Variants in PIEZO2 observed in about 807,000 individuals in gnomAD.
The protein encoded by PIEZO2 is piezo type mechanosensitive ion channel component 2.
A neutral mutation model predicts 337.3 loss-of-function variants in PIEZO2; 172 were observed. The ratio of observed to expected loss-of-function variants is 0.51; its 90% CI spans 0.45 to 0.58. The LOEUF is 0.58. PIEZO2 is among the 20% of genes least tolerant of loss of function. PIEZO2 has a pLI of 0.00. For synonymous variants in PIEZO2, 1,251 were observed against 1,228.5 expected, an observed-to-expected ratio of 1.02 and a Z score of -0.38; for missense variants, 3,028 against 3,391.3, an observed-to-expected ratio of 0.89 and a Z score of 2.66.
rs997354228 is a variant in PIEZO2 at position 10,982,567 on chromosome 18, A to C, written c.161-2907T>G. Among the ~76,000 whole-genome samples, 22 of 152,340 alleles carry C rather than the reference A, an allele frequency of 1.4e-4. 1 individual carries two copies. The highest frequency in any genetic ancestry group is 1.0e-3 in the South Asian group (5 of 4,830). On this transcript the variant is annotated intron_variant, in intron 2 of 55. Coordinates refer to ENST00000674853, the MANE Select transcript of PIEZO2 (RefSeq NM_001378183.1). The surrounding 1 kb of genome is among the most constrained non-coding windows in gnomAD (Gnocchi z 4.1). ...ATATTTCAAAATATGTAAGAAAAGA[A>C]TGCTTTGAAGAATTTCAACAAACAT...
chr18:10,881,314 A>G (rs2042414390), intron 4 of PIEZO2, among the ~76,000 whole-genome samples: 1 of 152,190 alleles, frequency 6.6e-6, no homozygotes, highest in South Asian at 2.1e-4. Context: ...TGAATCTACT[A>G]ACCTCACTGT....
intron 4 of PIEZO2, among the ~76,000 whole-genome samples, chr18:10,882,842 C>CTTTTTTTTTTTTTTTTTT (rs35740624): frequency 7.8e-6 from 1 of 128,200 alleles, no homozygotes; most frequent in Non-Finnish European, 1.6e-5. Flanking sequence ...TTCTTTTTTT[C>CTTTTTTTTTTTTTTTTTT]TTTTTTTTTT....
In PIEZO2 at chr18:10,794,712, T is replaced by C; in HGVS notation, c.1758+60A>G. ...TTTATAAGGTTTCTCTTGGATACGA[T>C]TATGATGATGATTGTGGTTTTGTGT... On this transcript the variant is annotated intron_variant, in intron 13 of 55. Transcript: ENST00000674853. This position sits in a 1 kb window ranked among gnomAD's most constrained non-coding sequence, Gnocchi z 6.6. The C allele has an allele frequency of 1.6e-6, 2 of 1,246,824 alleles. No individual in the cohort carries two copies. The highest frequency in any genetic ancestry group is 2.2e-6 in the Non-Finnish European group (2 of 915,070). The allele number at this position is 1,246,824 out of a possible 1,614,324, so 77.2% of individuals were successfully genotyped here.
intron 2 of PIEZO2, among the ~76,000 whole-genome samples, chr18:11,059,734 C>G (rs1313025593): frequency 6.6e-6 from 1 of 152,180 alleles, no homozygotes; most frequent in East Asian, 1.9e-4. Flanking sequence ...GCACCCAATA[C>G]AGGAGCACCC....
chr18:10,741,568 T>C (rs894173569), intron 32 of PIEZO2, among the ~76,000 whole-genome samples: 1 of 152,218 alleles, frequency 6.6e-6, no homozygotes, highest in African/African-American at 2.4e-5. Flanking sequence ...ATAGATACTA[T>C]GCACTGGGAA....
At chr18:10,728,144 T>A (rs2036615461) in intron 36 of PIEZO2, 1 of 152,530 alleles carries the variant, frequency 6.6e-6, no homozygotes, top group Non-Finnish European at 1.5e-5. Flanking sequence ...AGTTAAGAAT[T>A]CAACTACATT....
At chr18:10,832,216 G>C (rs2040864491) in intron 7 of PIEZO2, among the ~76,000 whole-genome samples, 1 of 152,088 alleles carries the variant, frequency 6.6e-6, no homozygotes, top group Non-Finnish European at 1.5e-5. Flanking sequence ...ACTCCAGCCT[G>C]GGTGACAGAG....
chr18:11,024,128 G>A (rs562224201), intron 2 of PIEZO2, among the ~76,000 whole-genome samples: 82 of 152,344 alleles, frequency 5.4e-4, no homozygotes, highest in Middle Eastern at 3.4e-3. Context: ...CTCCTCAAGC[G>A]CGGCCTGAGT....
In PIEZO2 at chr18:11,094,647, C is replaced by T. The variant is rs1301299697; in HGVS notation, c.65-28425G>A. 2.0e-5 allele frequency among the ~76,000 whole-genome samples: 3 copies of T among 152,200 alleles called. No individual in the cohort carries two copies. Among genetic ancestry groups the T allele is most frequent in the African/African-American group, 7.2e-5 (3 of 41,444 alleles). Reference sequence around the variant, plus strand: ...TCCTACCTAACTCCAGCTGCTCTTCCATTTCTCTCAATAAAGTGAAGAAAT... The same window carrying T: ...TCCTACCTAACTCCAGCTGCTCTTCTATTTCTCTCAATAAAGTGAAGAAAT... On this transcript the variant is annotated intron_variant, in intron 1 of 55. Coordinates refer to ENST00000674853, the MANE Select transcript of PIEZO2 (RefSeq NM_001378183.1). This position sits in a 1 kb window ranked among gnomAD's most constrained non-coding sequence, Gnocchi z 4.4.
chr18:11,120,770 T>C (rs2040006904), intron 1 of PIEZO2, among the ~76,000 whole-genome samples: 1 of 152,248 alleles, frequency 6.6e-6, no homozygotes, highest in Non-Finnish European at 1.5e-5. Context: ...AAACATGACT[T>C]GAATACCTAA....
chr18:11,040,710 T>C (rs1207711108), intron 2 of PIEZO2, among the ~76,000 whole-genome samples: 2 of 152,186 alleles, frequency 1.3e-5, no homozygotes, highest in Non-Finnish European at 2.9e-5. Flanking sequence ...GTCCCCATAA[T>C]TATCCTCAAT....
At chr18:10,786,008 G>A (rs192230563) in intron 16 of PIEZO2, among the ~76,000 whole-genome samples, 1 of 152,210 alleles carries the variant, frequency 6.6e-6, no homozygotes, top group East Asian at 1.9e-4. Flanking sequence ...ACTCTGACTT[G>A]CCTCAGGACC....
intron 49 of PIEZO2, among the ~76,000 whole-genome samples, chr18:10,688,040 T>C (rs1197122097): frequency 6.6e-6 from 1 of 152,236 alleles, no homozygotes; most frequent in Non-Finnish European, 1.5e-5. Context: ...GCAGAATGTG[T>C]AGGTTTGTTA....
intron 3 of PIEZO2, among the ~76,000 whole-genome samples, chr18:10,975,718 C>T (rs1598769785): frequency 2.0e-5 from 3 of 152,146 alleles, no homozygotes; most frequent in Admixed American, 6.5e-5. Flanking sequence ...GGACCTTTTG[C>T]GATAATGAGG....
chr18:10,741,572 CT>C (rs2037218264), intron 32 of PIEZO2, among the ~76,000 whole-genome samples: 1 of 152,230 alleles, frequency 6.6e-6, no homozygotes, highest in Non-Finnish European at 1.5e-5. Flanking sequence ...ATACTATGCA[CT>C]GGGAAAATAT....
Position 11,048,611 on chromosome 18 carries a change from T to C in PIEZO2, c.160+17516A>G, listed in dbSNP as rs1035848359. On this transcript the variant is annotated intron_variant, in intron 2 of 55. Transcript: ENST00000674853. The surrounding 1 kb of genome is among the most constrained non-coding windows in gnomAD (Gnocchi z 4.5). ...TACAGCAGAATGAGGGAAATGCTTA[T>C]ATAGATAACTGAATTATTTATATTA... Among the ~76,000 whole-genome samples, 4 of 152,246 alleles carry C rather than the reference T, an allele frequency of 2.6e-5. No individual in the cohort carries two copies. The highest frequency in any genetic ancestry group is 2.1e-4 in the South Asian group (1 of 4,838).
At chr18:11,119,322 TAG>T (rs1175136045) in intron 1 of PIEZO2, among the ~76,000 whole-genome samples, 1 of 152,082 alleles carries the variant, frequency 6.6e-6, no homozygotes, top group African/African-American at 2.4e-5. Context: ...GTATTTTTGG[TAG>T]AGACAGGGTT....
intron 4 of PIEZO2, among the ~76,000 whole-genome samples, chr18:10,883,936 G>C (rs894059835): frequency 6.7e-6 from 1 of 150,156 alleles, no homozygotes; most frequent in Non-Finnish European, 1.5e-5. Context: ...TCAGCCTCCC[G>C]AGTAGCTGGG....
rs1026528811 is a variant in PIEZO2 at position 11,031,185 on chromosome 18, G to C, written c.160+34942C>G. Among the ~76,000 whole-genome samples, 5 of 150,740 alleles carry C rather than the reference G, an allele frequency of 3.3e-5. No homozygotes were observed. The highest frequency in any genetic ancestry group is 1.2e-4 in the African/African-American group (5 of 40,912). On this transcript the variant is annotated intron_variant, in intron 2 of 55. Transcript: ENST00000674853. The surrounding 1 kb of genome is among the most constrained non-coding windows in gnomAD (Gnocchi z 4.7). ...TTTTGTATTTTTTTTTTTTTTAGTGGAGATGGGATTTCACCGTGTTAGCCA... is the reference window on the plus strand; with the variant it reads ...TTTTGTATTTTTTTTTTTTTTAGTGCAGATGGGATTTCACCGTGTTAGCCA...
Sources: allele counts gnomAD v4.1 joint callset (sites outside exome capture counted in the v4.1 genomes callset), GRCh38; gene constraint gnomAD v4.1.1; non-coding constraint Gnocchi (gnomAD v3.1); transcripts MANE v1.5; gene names NCBI Gene and HGNC (gene_info 2026-07-23, HGNC 2026-07-21).